MOCOS: variants seen among roughly 807,000 people sequenced by gnomAD.
The protein encoded by MOCOS is human molybdenum cofactor sulfurase.
In MOCOS, 86 loss-of-function variants were observed where a neutral mutation model predicts 83.6. The ratio of observed to expected loss-of-function variants is 1.03; its 90% CI spans 0.86 to 1.23. MOCOS has a LOEUF of 1.23. MOCOS is among the 50% of genes most tolerant of loss of function. The pLI is 0.00. For synonymous variants in MOCOS, 445 were observed against 434.7 expected, an observed-to-expected ratio of 1.02 and a Z score of -0.29; for missense variants, 1,120 against 1,126.9, an observed-to-expected ratio of 0.99 and a Z score of 0.09.
In MOCOS at chr18:36,187,811, T is replaced by A. The variant is rs997284604; in HGVS notation, c.142+130T>A. ...GAATCGAAACTCCAGGAGGGACGTGTCCACGCGTCCTCCTAGTAGACACGG... is the reference window on the plus strand; with the variant it reads ...GAATCGAAACTCCAGGAGGGACGTGACCACGCGTCCTCCTAGTAGACACGG... On this transcript the variant is annotated intron_variant, in intron 1 of 14. Coordinates refer to ENST00000261326, the MANE Select transcript of MOCOS (RefSeq NM_017947.4). The A allele has an allele frequency of 2.8e-5, 29 of 1,039,074 alleles. No individual in the cohort carries two copies. In the East Asian group the frequency reaches 9.5e-4, roughly 34 times the overall value. 64.4% of individuals were successfully genotyped at this position (1,039,074 alleles called of 1,614,324 possible).
At position 36,215,607 on chromosome 18, in the gene MOCOS, A is replaced by C; in HGVS notation, c.1427A>C (p.Asp476Ala). Residue 476 changes from aspartate to alanine, a missense_variant, in exon 8 of 15, where the codon GAT becomes GCT. By Grantham distance (126) the Asp-to-Ala change is moderately radical. Transcript: ENST00000261326. ...TCATTTGGATACATGTCGACGCTGG[A>C]TGATGTCCAGGCCTTTCTTAGGTTC... ...RISFGYMSTL[D>A]DVQAFLRFII... 1.9e-6 allele frequency: 3 copies of C among 1,614,098 alleles called. No individual in the cohort carries two copies. The highest frequency in any genetic ancestry group is 1.6e-4 in the Middle Eastern group (1 of 6,062).
At chr18:36,207,644 C>A (rs528208715) in intron 6 of MOCOS, among the ~76,000 whole-genome samples, 1 of 151,922 alleles carries the variant, frequency 6.6e-6, no homozygotes, top group African/African-American at 2.4e-5. Context: ...TAATGGGGTT[C>A]TTTGTTTTTT....
chr18:36,204,129 C>A (rs73430968), intron 5 of MOCOS, among the ~76,000 whole-genome samples: 5,372 of 152,224 alleles, frequency 0.035, 271 homozygotes, highest in African/African-American at 0.11. Context: ...ACAACTCAGT[C>A]GTAGTAAATA....
At chr18:36,207,735 C>G (rs984970713) in intron 6 of MOCOS, among the ~76,000 whole-genome samples, 2 of 152,106 alleles carry the variant, frequency 1.3e-5, no homozygotes, top group African/African-American at 4.8e-5. Flanking sequence ...TTCTCTCATT[C>G]TGTAGGTTAT....
At chr18:36,229,304 T>C (rs560612427) in intron 9 of MOCOS, among the ~76,000 whole-genome samples, 1 of 152,166 alleles carries the variant, frequency 6.6e-6, no homozygotes, top group Non-Finnish European at 1.5e-5. Flanking sequence ...GGCAGGTTTG[T>C]TTCTTTTAAT....
chr18:36,229,130 G>A (rs2091528720), intron 9 of MOCOS, among the ~76,000 whole-genome samples: 1 of 151,884 alleles, frequency 6.6e-6, no homozygotes, highest in Non-Finnish European at 1.5e-5. Flanking sequence ...TTATTTATTT[G>A]TCTACATATT....
At position 36,205,207 on chromosome 18, in the gene MOCOS, T is replaced by C; in HGVS notation, c.1149T>C (p.Pro383=). 1 of 1,613,972 alleles carries C rather than the reference T, an allele frequency of 6.2e-7. No individual in the cohort carries two copies. The highest frequency in any genetic ancestry group is 8.5e-7 in the Non-Finnish European group (1 of 1,179,978). The change falls in exon 6 of 15, where the codon CCT becomes CCC. Residue 383 remains proline (P), a synonymous_variant. Coordinates refer to ENST00000261326, the MANE Select transcript of MOCOS (RefSeq NM_017947.4). ...RIYSDSEFSS[P]EVQGPIINFN... ...ACAGCGATTCTGAGTTCAGCAGCCCTGAGGTTCAGGGCCCAATCATCAATT... is the reference window on the plus strand; with the variant it reads ...ACAGCGATTCTGAGTTCAGCAGCCCCGAGGTTCAGGGCCCAATCATCAATT...
intron 1 of MOCOS, among the ~76,000 whole-genome samples, chr18:36,194,742 G>A (rs77678471): frequency 0.068 from 10,421 of 152,298 alleles, 431 homozygotes; most frequent in Non-Finnish European, 0.095. Flanking sequence ...AATCTGATCA[G>A]TAATCCGCGG....
chr18:36,229,121 T>G (rs1292704195), intron 9 of MOCOS, among the ~76,000 whole-genome samples: 1 of 152,228 alleles, frequency 6.6e-6, no homozygotes, highest in Non-Finnish European at 1.5e-5. Flanking sequence ...AACATAATAT[T>G]ATTTATTTGT....
chr18:36,260,851 T>A (rs2091661509), intron 13 of MOCOS, among the ~76,000 whole-genome samples: 1 of 151,740 alleles, frequency 6.6e-6, no homozygotes, highest in Admixed American at 6.6e-5. Context: ...CACAGTGACC[T>A]TCTCTCTGTT....
chr18:36,268,562 A>G lies in MOCOS; in HGVS notation c.2544A>G (p.Ala848=), dbSNP rs1383654464. 3.7e-6 allele frequency: 6 copies of G among 1,614,180 alleles called. No individual in the cohort carries two copies. The highest frequency in any genetic ancestry group is 1.3e-5 in the African/African-American group (1 of 75,060). Residue 848 remains alanine, a synonymous_variant, in exon 15 of 15, where the codon GCA becomes GCG. Transcript: ENST00000261326. ...KVNFGMYLMH[A]SLDLSSPCFL... is the part of the protein sequence containing the mutation. ...ACTTTGGCATGTACCTGATGCATGC[A>G]TCATTGGATTTATCCTCCCCATGTT...
intron 12 of MOCOS, among the ~76,000 whole-genome samples, chr18:36,259,590 A>C (rs2091655165): frequency 1.3e-5 from 2 of 151,414 alleles, no homozygotes; most frequent in African/African-American, 2.4e-5. Flanking sequence ...AACACCTGTG[A>C]AAAGAAGGGG....
intron 12 of MOCOS, among the ~76,000 whole-genome samples, chr18:36,258,606 A>G (rs917421702): frequency 5.3e-5 from 8 of 152,148 alleles, no homozygotes; most frequent in African/African-American, 1.7e-4. Flanking sequence ...CCAACCCCAT[A>G]GTCTTTCAAC....
intron 7 of MOCOS, among the ~76,000 whole-genome samples, chr18:36,214,334 A>G (rs2091467679): frequency 6.6e-6 from 1 of 151,720 alleles, no homozygotes; most frequent in African/African-American, 2.4e-5. Flanking sequence ...TTTTACTTTG[A>G]GGCCAACCAT....
chr18:36,205,036 A>G, intron 5 of MOCOS, 41 bp from the exon 6 acceptor site: 1 of 1,155,952 alleles, frequency 8.7e-7, no homozygotes, highest in Non-Finnish European at 1.3e-6. Flanking sequence ...GAGAATTTAC[A>G]TAAAGCTCAT....
chr18:36,219,497 G>T (rs1469178508), intron 8 of MOCOS, among the ~76,000 whole-genome samples: 1 of 151,966 alleles, frequency 6.6e-6, no homozygotes, highest in Non-Finnish European at 1.5e-5. Context: ...TGGCTAACAT[G>T]GTGAAACCCT....
intron 8 of MOCOS, among the ~76,000 whole-genome samples, chr18:36,217,233 T>C (rs1358298741): frequency 1.2e-4 from 19 of 152,120 alleles, no homozygotes; most frequent in Non-Finnish European, 1.5e-5. Flanking sequence ...TAGAGTATTA[T>C]GGGGATGATG....
Position 36,200,191 on chromosome 18 carries a change from A to G in MOCOS, c.808A>G (p.Thr270Ala). ...CTTCTATAAGATCTTCGGGTTTCCTACAGGCCTGGGCGCTCTGCTGGTCCA... is the reference window on the plus strand; with the variant it reads ...CTTCTATAAGATCTTCGGGTTTCCTGCAGGCCTGGGCGCTCTGCTGGTCCA... ...ISFYKIFGFP[T>A]GLGALLVHNR... The change falls in exon 4 of 15, where the codon ACA becomes GCA. Residue 270 changes from threonine to alanine, a missense_variant. Thr to Ala is a moderately conservative substitution (Grantham distance 58). Transcript: ENST00000261326. 1.9e-6 allele frequency: 3 copies of G among 1,614,112 alleles called. No individual in the cohort carries two copies. The highest frequency in any genetic ancestry group is 1.6e-4 in the Middle Eastern group (1 of 6,062).
intron 13 of MOCOS, among the ~76,000 whole-genome samples, chr18:36,262,275 A>ACACACACACACACACACT (rs1480956436): frequency 1.3e-5 from 2 of 151,310 alleles, no homozygotes; most frequent in African/African-American, 4.9e-5. Flanking sequence ...ACACACACAC[A>ACACACACACACACACACT]CGAAAAATTA....
Sources: gnomAD v4.1 joint callset for allele counts (sites outside exome capture counted in the v4.1 genomes callset) on GRCh38, gnomAD v4.1.1 for gene constraint, MANE v1.5 for transcripts, NCBI Gene and HGNC (gene_info 2026-07-23, HGNC 2026-07-21) for gene names.